Variants in NRXN3 observed in about 807,000 individuals in gnomAD.
NRXN3 encodes neurexin III.
A neutral mutation model predicts 137.6 loss-of-function variants in NRXN3; 32 were observed. The observed-to-expected ratio is 0.23, with a 90% CI of 0.18 to 0.31. The LOEUF (loss-of-function observed/expected upper bound fraction) is 0.31. NRXN3 is among the 10% of genes least tolerant of loss of function. The probability of loss-of-function intolerance (pLI) is 1.00; values close to 1 mark genes in which losing one functional copy is unlikely to be tolerated. For missense variants in NRXN3, 1,574 were observed against 2,062.5 expected (o/e 0.76, Z 4.59); for synonymous variants, 798 against 784.5 (o/e 1.02, Z -0.29).
At chr14:78,671,762 A>G (rs2097938392) in intron 6 of NRXN3, among the ~76,000 whole-genome samples, 2 of 152,292 alleles carry the variant, frequency 1.3e-5, no homozygotes, top group South Asian at 4.1e-4. Flanking sequence ...TTGGCTCACC[A>G]TCTATTTATC....
At chr14:78,530,143 T>C (rs1305057153) in intron 4 of NRXN3, among the ~76,000 whole-genome samples, 1 of 152,196 alleles carries the variant, frequency 6.6e-6, no homozygotes, top group Non-Finnish European at 1.5e-5. Context: ...AAGAAAAAGC[T>C]CTGCCCTTTG....
At chr14:79,119,764 T>C (rs2055095082) in intron 15 of NRXN3, among the ~76,000 whole-genome samples, 5 of 152,168 alleles carry the variant, frequency 3.3e-5, no homozygotes, top group Admixed American at 3.3e-4. Flanking sequence ...TCATTTTTTC[T>C]AATACTGTTT....
intron 8 of NRXN3, among the ~76,000 whole-genome samples, chr14:78,797,721 T>C (rs2153068398): frequency 6.6e-6 from 1 of 152,056 alleles, no homozygotes; most frequent in Non-Finnish European, 1.5e-5. Flanking sequence ...CGAGACTGGG[T>C]GATTGGTATG....
At chr14:79,616,503 G>C (rs2098157638) in intron 16 of NRXN3, among the ~76,000 whole-genome samples, 1 of 151,998 alleles carries the variant, frequency 6.6e-6, no homozygotes, top group East Asian at 1.9e-4. Context: ...GGCTCAAGAA[G>C]GAAGAATTTA....
intron 19 of NRXN3, among the ~76,000 whole-genome samples, chr14:79,766,007 T>C (rs781112873): frequency 6.6e-6 from 1 of 152,370 alleles, no homozygotes; most frequent in Admixed American, 6.5e-5. Flanking sequence ...TTAAACATCA[T>C]ATATAAAATT....
At chr14:79,403,274 C>G (rs1045035162) in intron 15 of NRXN3, among the ~76,000 whole-genome samples, 5 of 152,088 alleles carry the variant, frequency 3.3e-5, no homozygotes, top group Admixed American at 1.3e-4. Flanking sequence ...CCTCCTTAAT[C>G]CTATGCTAGG....
chr14:79,348,397 A>G (rs1322899095), intron 15 of NRXN3, among the ~76,000 whole-genome samples: 1 of 138,602 alleles, frequency 7.2e-6, no homozygotes, highest in Non-Finnish European at 1.5e-5. Flanking sequence ...TTTTTTTGAG[A>G]CAGAGTCTCG....
intron 7 of NRXN3, 81 bp from the exon 8 acceptor site, chr14:78,714,675 G>C (rs2098423694): frequency 3.4e-6 from 5 of 1,489,066 alleles, no homozygotes; most frequent in Admixed American, 3.6e-5. Flanking sequence ...CCAATGGCTG[G>C]GCTCAGCACT....
At chr14:79,262,347 G>A (rs1210023115) in intron 15 of NRXN3, among the ~76,000 whole-genome samples, 2 of 148,412 alleles carry the variant, frequency 1.3e-5, no homozygotes, top group Non-Finnish European at 2.9e-5. Context: ...AGAGAAGCAT[G>A]AGGAAGAAAA....
At chr14:79,373,071 TCAA>T (rs983616737) in intron 15 of NRXN3, among the ~76,000 whole-genome samples, 2 of 152,142 alleles carry the variant, frequency 1.3e-5, no homozygotes, top group African/African-American at 2.4e-5. Context: ...CAAATTACTG[TCAA>T]CAAATTCAAA....
At chr14:79,085,139 T>C (rs1040822601) in intron 15 of NRXN3, among the ~76,000 whole-genome samples, 4 of 152,166 alleles carry the variant, frequency 2.6e-5, no homozygotes, top group African/African-American at 9.7e-5. Context: ...ATTTGAATTG[T>C]ATTTGTTGAA....
intron 16 of NRXN3, chr14:79,611,844 A>T (rs1405646271): frequency 6.6e-6 from 1 of 152,198 alleles, no homozygotes. Context: ...TAAAATGGAA[A>T]ATATCTGAGG....
chr14:78,880,427 G>A (rs945176499), intron 10 of NRXN3, among the ~76,000 whole-genome samples: 3 of 152,080 alleles, frequency 2.0e-5, no homozygotes, highest in Admixed American at 1.3e-4. Context: ...CTGTAACTGG[G>A]AGAGGGCCTC....
Position 78,280,701 on chromosome 14 carries a change from T to A in NRXN3, c.727+2039T>A, listed in dbSNP as rs74065972. ...TGACAAAAGGGGCATCTTTTTCTAG[T>A]GCTCACACAGGCGCCATATTGGTCC... On this transcript the variant is annotated intron_variant, in intron 3 of 20. Coordinates refer to ENST00000335750, the MANE Select transcript of NRXN3 (RefSeq NM_001330195.2). 2.0e-3 allele frequency among the ~76,000 whole-genome samples: 312 copies of A among 152,268 alleles called. 2 individuals carry two copies. Among genetic ancestry groups the A allele is most frequent in the African/African-American group, 7.2e-3 (300 of 41,556 alleles).
chr14:78,633,790 A>G (rs752822747), intron 4 of NRXN3, among the ~76,000 whole-genome samples: 23 of 152,214 alleles, frequency 1.5e-4, no homozygotes, highest in Non-Finnish European at 2.6e-4. Flanking sequence ...TACTGCAGAA[A>G]TGGTAAATTA....
intron 14 of NRXN3, among the ~76,000 whole-genome samples, chr14:78,969,414 A>G (rs1177276838): frequency 1.3e-5 from 2 of 152,204 alleles, no homozygotes; most frequent in Non-Finnish European, 2.9e-5. Flanking sequence ...TTGCCTGACC[A>G]AGGATCTATG....
intron 4 of NRXN3, among the ~76,000 whole-genome samples, chr14:78,446,420 T>C (rs75382966): frequency 1.3e-5 from 2 of 150,948 alleles, no homozygotes; most frequent in East Asian, 1.9e-4. Flanking sequence ...TTTTTTTTTT[T>C]CCATTATAAC....
At chr14:79,381,481 C>T (rs2094468663) in intron 15 of NRXN3, among the ~76,000 whole-genome samples, 1 of 152,176 alleles carries the variant, frequency 6.6e-6, no homozygotes, top group Admixed American at 6.5e-5. Flanking sequence ...AGTATTGACT[C>T]TAGCTGCCTT....
chr14:78,349,526 C>G (rs1052210516), intron 4 of NRXN3, among the ~76,000 whole-genome samples: 4 of 152,202 alleles, frequency 2.6e-5, no homozygotes, highest in African/African-American at 9.7e-5. Flanking sequence ...TTTAAAGTAG[C>G]TCTCTATCTA....
Sources: allele counts gnomAD v4.1 joint callset (sites outside exome capture counted in the v4.1 genomes callset), GRCh38; gene constraint gnomAD v4.1.1; transcripts MANE v1.5; gene names NCBI Gene and HGNC (gene_info 2026-07-23, HGNC 2026-07-21).